Variants in MST1R observed in about 807,000 individuals in gnomAD.
The protein encoded by MST1R is macrophage-stimulating protein receptor.
MST1R carries 99 observed loss-of-function variants against 117.8 expected under a neutral mutation model. That is an observed-to-expected ratio of 0.84 (90% confidence interval 0.71 to 0.99). The LOEUF (loss-of-function observed/expected upper bound fraction) is 0.99. Among genes scored for constraint, MST1R ranks in the 50% least tolerant of loss-of-function variants. The pLI is 0.00. For synonymous variants in MST1R, 734 were observed against 765.3 expected, an observed-to-expected ratio of 0.96 and a Z score of 0.68; for missense variants, 1,683 against 1,840.2, an observed-to-expected ratio of 0.91 and a Z score of 1.56.
chr3:49,891,666 C>T lies in MST1R; in HGVS notation c.3353-86G>A, dbSNP rs1251060617. ...AAATGGGAAATGAAGGTCTCCTGCT[C>T]AGGGTCACTCAGTAAGGTGGGAACA... On this transcript the variant is annotated intron_variant, in intron 15 of 19. Coordinates refer to ENST00000296474, the MANE Select transcript of MST1R (RefSeq NM_002447.4). The T allele has an allele frequency of 4.4e-6, 7 of 1,608,146 alleles. No homozygotes were observed. In the East Asian group the frequency reaches 1.6e-4, roughly 36 times the overall value.
At position 49,887,050 on chromosome 3, in the gene MST1R, T is replaced by C; in HGVS notation, c.*257A>G. 1.6e-5 allele frequency: 9 copies of C among 579,514 alleles called. No homozygotes were observed. The highest frequency in any genetic ancestry group is 5.8e-5 in the East Asian group (2 of 34,734). 35.9% of individuals were successfully genotyped at this position (579,514 alleles called of 1,614,324 possible). ...TCCTTTATTGGTTCAAGGGTCAGTG[T>C]TGGTGTGGTCACTGCTGAGTCCACT... On this transcript the variant is annotated 3_prime_UTR_variant, in exon 20 of 20. Transcript: ENST00000296474.
At position 49,896,757 on chromosome 3, in the gene MST1R, G is replaced by C. The variant is rs1208740257; in HGVS notation, c.2317C>G (p.Leu773Val). ...TFQYREDPVV[L>V]SISPNCGYIN... ...TAGCCACAGTTGGGGCTGATGCTTAGCACGACAGGGTCTTCTCTGTACTGG... is the reference window on the plus strand; with the variant it reads ...TAGCCACAGTTGGGGCTGATGCTTACCACGACAGGGTCTTCTCTGTACTGG... Residue 773 changes from leucine to valine, a missense_variant, in exon 8 of 20, where the codon CTA (leucine) becomes GTA (valine). Transcript: ENST00000296474. 1 of 1,583,366 alleles carries C rather than the reference G, an allele frequency of 6.3e-7. No individual in the cohort carries two copies. The highest frequency in any genetic ancestry group is 8.6e-7 in the Non-Finnish European group (1 of 1,163,222).
intron 18 of MST1R, 57 bp downstream of exon 18, chr3:49,890,428 G>A: frequency 6.4e-7 from 1 of 1,551,718 alleles, no homozygotes; most frequent in Non-Finnish European, 8.8e-7. Context: ...GAATGGGTGA[G>A]GCCCAGTGTT....
rs779887853 is a variant in MST1R at position 49,902,657 on chromosome 3, T to G, written c.953A>C (p.Tyr318Ser). ...GGAGTGGGCCACCCGCAGCACAGGGTAGGGCTGTCCGCCTTCTGGGGCCCC... is the reference window on the plus strand; with the variant it reads ...GGAGTGGGCCACCCGCAGCACAGGGGAGGGCTGTCCGCCTTCTGGGGCCCC... Reference protein sequence around the residue: ...RRGAPEGGQPYPVLRVAHSAP... With the variant: ...RRGAPEGGQPSPVLRVAHSAP... Residue 318 changes from tyrosine to serine, a missense_variant, in exon 1 of 20, where the codon TAC becomes TCC. Physicochemically the swap from Tyr to Ser is moderately radical, Grantham distance 144. Transcript: ENST00000296474. 52 of 1,613,288 alleles carry G rather than the reference T, an allele frequency of 3.2e-5. No individual in the cohort carries two copies. The African/African-American group carries it at 5.6e-4, about 17-fold the overall frequency.
At position 49,887,467 on chromosome 3, in the gene MST1R, A is replaced by G. The variant is rs1316699142; in HGVS notation, c.4043T>C (p.Leu1348Pro). 9 of 1,614,136 alleles carry G rather than the reference A, an allele frequency of 5.6e-6. No homozygotes were observed. The Admixed American group carries it at 1.5e-4, about 27-fold the overall frequency. Residue 1348 changes from leucine (L) to proline (P), a missense_variant, in exon 20 of 20, where the codon CTG becomes CCG. Transcript: ENST00000296474. ...VGEVEQIVSA[L>P]LGDHYVQLPA... ...CAGCTGCACATAATGGTCCCCAAGC[A>G]GTGCAGACACTATCTGCTCCACCTC...
chr3:49,903,592 C>T lies in MST1R; in HGVS notation c.18G>A (p.Pro6=), dbSNP rs145591334. The change falls in exon 1 of 20, where the codon CCG becomes CCA. Residue 6 remains proline, a synonymous_variant. Coordinates refer to ENST00000296474, the MANE Select transcript of MST1R (RefSeq NM_002447.4). ...GCAGCAACAGGAAGGACTGAGGCAG[C>T]GGCGGGAGGAGCTCCATCGAGGCGA... MELLP[P]LPQSFLLLLL... The T allele has an allele frequency of 1.3e-4, 205 of 1,565,394 alleles. No homozygotes were observed. The African/African-American group carries it at 2.5e-3, about 19-fold the overall frequency.
intron 1 of MST1R, 135 bp from the exon 2 acceptor site, chr3:49,899,398 C>T: frequency 1.1e-6 from 1 of 909,122 alleles, no homozygotes. Context: ...CCTGGGCCTG[C>T]CGGTTACCAT....
intron 15 of MST1R, 46 bp from the exon 16 acceptor site, chr3:49,891,626 A>T (rs1575426590): frequency 6.2e-7 from 1 of 1,611,472 alleles, no homozygotes; most frequent in African/African-American, 1.3e-5. Flanking sequence ...GTCCCTTTAT[A>T]AGGCTCAGAT....
In MST1R at chr3:49,897,693, A is replaced by C. The variant is rs1451759625; in HGVS notation, c.1881-8T>G. ...TCTTTCCGGGGCACTGGTCTGGGGC[A>C]CCAGGGGAACCCCTGAGGTCAGCCA... On this transcript the variant is annotated splice_polypyrimidine_tract_variant and splice_region_variant and intron_variant, in intron 5 of 19. Transcript: ENST00000296474. 2.5e-6 allele frequency: 4 copies of C among 1,606,012 alleles called. No homozygotes were observed. Among genetic ancestry groups the C allele is most frequent in the Non-Finnish European group, 3.4e-6 (4 of 1,175,972 alleles).
intron 1 of MST1R, among the ~76,000 whole-genome samples, chr3:49,901,621 A>G (rs572524184): frequency 6.6e-6 from 1 of 152,236 alleles, no homozygotes; most frequent in Non-Finnish European, 1.5e-5. Flanking sequence ...CCAAGCTGCC[A>G]TTCCATGAGT....
At chr3:49,890,401 T>C in intron 18 of MST1R, 84 bp downstream of exon 18, 1 of 1,457,332 alleles carries the variant, frequency 6.9e-7, no homozygotes, top group Non-Finnish European at 9.3e-7. Context: ...CTCCCTGGGC[T>C]CAGATCATTC....
chr3:49,894,933 C>G (rs948426790), intron 14 of MST1R, among the ~76,000 whole-genome samples: 2 of 151,848 alleles, frequency 1.3e-5, no homozygotes, highest in African/African-American at 4.8e-5. Flanking sequence ...CTCAGCCTCC[C>G]AAGTAGCTGG....
At position 49,903,113 on chromosome 3, in the gene MST1R, G is replaced by C. The variant is rs2082745223; in HGVS notation, c.497C>G (p.Ala166Gly). 1 of 1,605,086 alleles carries C rather than the reference G, an allele frequency of 6.2e-7. No homozygotes were observed. Residue 166 changes from alanine to glycine, a missense_variant, in exon 1 of 20, where the codon GCC (alanine) becomes GGC (glycine). By Grantham distance (60) the Ala-to-Gly change is moderately conservative (BLOSUM62 0). Coordinates refer to ENST00000296474, the MANE Select transcript of MST1R (RefSeq NM_002447.4). The stretch of plus-strand genomic sequence containing the variant: ...GCAGTCATCGGGCCGGTTATGGTGG[G>C]CTGAGAAGAGGCAGGCTGGCGCTGC... The part of the protein sequence containing the change: ...HLAAPACLFS[A>G]HHNRPDDCPD...
At position 49,895,511 on chromosome 3, in the gene MST1R, G is replaced by A; in HGVS notation, c.3000C>T (p.Asp1000=). The A allele has an allele frequency of 1.9e-6, 3 of 1,614,144 alleles. No homozygotes were observed. The highest frequency in any genetic ancestry group is 2.5e-6 in the Non-Finnish European group (3 of 1,180,014). ...PPNLNDLASL[D]QTAGATPLPI... Reference sequence around the variant, plus strand: ...GCAGGGGTGTGGCTCCAGCAGTCTGGTCCAGGGATGCCAGGTCATTCAGGT... The same window carrying A: ...GCAGGGGTGTGGCTCCAGCAGTCTGATCCAGGGATGCCAGGTCATTCAGGT... Residue 1000 remains aspartate (D), a synonymous_variant, in exon 13 of 20, where the codon GAC becomes GAT. Transcript: ENST00000296474.
intron 19 of MST1R, 37 bp downstream of exon 19, chr3:49,889,886 GC>G (rs1413117893): frequency 6.2e-7 from 1 of 1,612,476 alleles, no homozygotes; most frequent in Non-Finnish European, 8.5e-7. Context: ...TGTCTCTGGG[GC>G]CCAGTTCCCT....
At chr3:49,889,503 A>G (rs2082252465) in intron 19 of MST1R, among the ~76,000 whole-genome samples, 1 of 152,028 alleles carries the variant, frequency 6.6e-6, no homozygotes, top group African/African-American at 2.4e-5. Flanking sequence ...AGCTGCCGCC[A>G]TCCCTCCAGG....
chr3:49,895,551 G>A lies in MST1R; in HGVS notation c.2963-3C>T. 6.2e-7 allele frequency: 1 copy of A among 1,614,120 alleles called. No individual in the cohort carries two copies. The highest frequency in any genetic ancestry group is 8.5e-7 in the Non-Finnish European group (1 of 1,179,976). On this transcript the variant is annotated splice_region_variant and splice_polypyrimidine_tract_variant and intron_variant, in intron 12 of 19. Transcript: ENST00000296474. ...GTCATTCAGGTTGGGAGGAAGAACT[G>A]TGGAAAGAGAATCCTTGGTGGCTTG... is the stretch of plus-strand genomic sequence containing the variant.
intron 1 of MST1R, among the ~76,000 whole-genome samples, chr3:49,900,754 C>T (rs1385486623): frequency 6.6e-6 from 1 of 152,158 alleles, no homozygotes; most frequent in Admixed American, 6.5e-5. Flanking sequence ...CAGGCCCACA[C>T]CCTAGCCTGC....
intron 13 of MST1R, 24 bp from the exon 14 acceptor site, chr3:49,895,397 C>G (rs1460898628): frequency 6.2e-7 from 1 of 1,614,150 alleles, no homozygotes; most frequent in Non-Finnish European, 8.5e-7. Flanking sequence ...GAATGAGGAG[C>G]TTGTAGGGAC....
Sources: allele counts gnomAD v4.1 joint callset (sites outside exome capture counted in the v4.1 genomes callset), GRCh38; gene constraint gnomAD v4.1.1; transcripts MANE v1.5; gene names NCBI Gene and HGNC (gene_info 2026-07-23, HGNC 2026-07-21).